Variants in NEGR1 observed in about 807,000 individuals in gnomAD.
NEGR1 encodes IgLON family member 4.
A neutral mutation model predicts 40.9 loss-of-function variants in NEGR1; 10 were observed. The ratio of observed to expected loss-of-function variants is 0.24; its 90% CI spans 0.15 to 0.42. The LOEUF is 0.42. Ranked by LOEUF, NEGR1 falls within the 10% of genes least tolerant of loss-of-function variation. The pLI is 1.00. For synonymous variants in NEGR1, 185 were observed against 166.8 expected (o/e 1.11, Z -0.84); for missense variants, 352 against 438.9 (o/e 0.80, Z 1.77).
intron 6 of NEGR1, among the ~76,000 whole-genome samples, chr1:71,512,584 A>AT (rs555856096): frequency 0.052 from 7,343 of 141,788 alleles, 232 homozygotes; most frequent in Non-Finnish European, 0.07. Flanking sequence ...ATACTAATCG[A>AT]TTTTTTTTTT....
At chr1:71,990,387 T>G (rs1646438893) in intron 1 of NEGR1, among the ~76,000 whole-genome samples, 1 of 152,150 alleles carries the variant, frequency 6.6e-6, no homozygotes, top group Non-Finnish European at 1.5e-5. Context: ...ATTCAAAGAC[T>G]TTTGTAAGTT....
intron 2 of NEGR1, among the ~76,000 whole-genome samples, chr1:71,920,546 G>T (rs1206488495): frequency 6.6e-6 from 1 of 152,094 alleles, no homozygotes; most frequent in African/African-American, 2.4e-5. Flanking sequence ...TAACTTTAGT[G>T]CACTCATTTG....
chr1:72,121,937 T>G (rs1332027029), intron 1 of NEGR1, among the ~76,000 whole-genome samples: 4 of 151,958 alleles, frequency 2.6e-5, no homozygotes, highest in African/African-American at 9.7e-5. Flanking sequence ...TGCAGATAAT[T>G]TTAAGGTTCA....
At chr1:71,928,963 A>G (rs1933153) in intron 2 of NEGR1, among the ~76,000 whole-genome samples, 33,345 of 151,998 alleles carry the variant, frequency 0.22, 4,010 homozygotes, top group Admixed American at 0.36. Context: ...GAACAGGTCG[A>G]AATCCCCTGC....
chr1:71,649,030 CAATT>C (rs796122592), intron 4 of NEGR1, among the ~76,000 whole-genome samples: 42 of 152,140 alleles, frequency 2.8e-4, no homozygotes, highest in African/African-American at 9.4e-4. Flanking sequence ...TTCTCATCTA[CAATT>C]TCTGAATTTT....
chr1:71,767,896 G>C (rs569446660), intron 3 of NEGR1, among the ~76,000 whole-genome samples: 2 of 152,316 alleles, frequency 1.3e-5, no homozygotes, highest in Non-Finnish European at 2.9e-5. Flanking sequence ...TAAAGCTCAG[G>C]CCACTGCTTC....
chr1:71,682,739 G>C (rs1464067250), intron 4 of NEGR1, among the ~76,000 whole-genome samples: 1 of 152,172 alleles, frequency 6.6e-6, no homozygotes, highest in Non-Finnish European at 1.5e-5. Context: ...GGCCCCAGTG[G>C]GAGGTATTTT....
chr1:71,749,080 C>A lies in NEGR1; in HGVS notation c.535+27092G>T, dbSNP rs191795309. On this transcript the variant is annotated intron_variant, in intron 3 of 6. Transcript: ENST00000357731. ...TTCAATATTCTTTGATGCTTTCTAT[C>A]AAAACACACTTACATCAACAAAACT... Among the ~76,000 whole-genome samples, 139 of 152,174 alleles carry A rather than the reference C, an allele frequency of 9.1e-4. 1 individual carries two copies. Among genetic ancestry groups the A allele is most frequent in the African/African-American group, 3.2e-3 (135 of 41,546 alleles).
intron 1 of NEGR1, among the ~76,000 whole-genome samples, chr1:72,038,852 C>T (rs1646927518): frequency 6.6e-6 from 1 of 151,938 alleles, no homozygotes; most frequent in South Asian, 2.1e-4. Context: ...TAAGGTATCA[C>T]CATTCAGGTA....
intron 1 of NEGR1, among the ~76,000 whole-genome samples, chr1:72,021,039 A>G (rs1314567957): frequency 6.6e-6 from 1 of 152,198 alleles, no homozygotes; most frequent in Non-Finnish European, 1.5e-5. Context: ...AACATTTACA[A>G]AAACCTAACA....
In NEGR1 at chr1:71,776,237, G is replaced by A; in HGVS notation, c.470C>T (p.Thr157Ile). 2 of 1,607,502 alleles carry A rather than the reference G, an allele frequency of 1.2e-6. No homozygotes were observed. Among genetic ancestry groups the A allele is most frequent in the Non-Finnish European group, 1.7e-6 (2 of 1,175,736 alleles). Residue 157 changes from threonine to isoleucine, a missense_variant, in exon 3 of 7, where the codon ACT (threonine) becomes ATT (isoleucine). Physicochemically the swap from Thr to Ile is moderately conservative, Grantham distance 89 (BLOSUM62 -1). Transcript: ENST00000357731. ...TTTCCCAGTGGCCAAACAAGTAAGA[G>A]TGACGTTGGTTCCTTCATTGACGGT... Reference protein sequence around the residue: ...DMTVNEGTNVTLTCLATGKPE... With the variant: ...DMTVNEGTNVILTCLATGKPE...
intron 1 of NEGR1, among the ~76,000 whole-genome samples, chr1:72,159,862 A>G (rs944995692): frequency 2.0e-5 from 3 of 152,144 alleles, no homozygotes; most frequent in Non-Finnish European, 4.4e-5. Context: ...TTAGCTTTTA[A>G]ATAAAAACAA....
chr1:71,465,153 T>C (rs1210461185), intron 6 of NEGR1, among the ~76,000 whole-genome samples: 1 of 152,082 alleles, frequency 6.6e-6, no homozygotes, highest in Non-Finnish European at 1.5e-5. Context: ...AATTATAGTA[T>C]ACAGAATGGA....
chr1:71,967,297 G>T (rs1646217988), intron 1 of NEGR1, among the ~76,000 whole-genome samples: 1 of 152,238 alleles, frequency 6.6e-6, no homozygotes, highest in Admixed American at 6.5e-5. Context: ...TCCATGCTGG[G>T]TGTTCTTCCT....
chr1:71,558,240 A>G (rs1310860921), intron 6 of NEGR1, among the ~76,000 whole-genome samples: 1 of 151,610 alleles, frequency 6.6e-6, no homozygotes, highest in Non-Finnish European at 1.5e-5. Context: ...AGGGATAGGA[A>G]TTAAGCTCCA....
At chr1:71,941,919 T>C (rs1356729136) in intron 1 of NEGR1, among the ~76,000 whole-genome samples, 1 of 152,058 alleles carries the variant, frequency 6.6e-6, no homozygotes, top group Non-Finnish European at 1.5e-5. Context: ...AACTAACAGA[T>C]GACTTGCTTA....
intron 4 of NEGR1, among the ~76,000 whole-genome samples, chr1:71,622,352 T>A (rs1207966064): frequency 6.6e-6 from 1 of 151,966 alleles, no homozygotes; most frequent in Non-Finnish European, 1.5e-5. Flanking sequence ...GCAAGTACAA[T>A]CTTGTAAATA....
intron 1 of NEGR1, among the ~76,000 whole-genome samples, chr1:72,189,655 G>T (rs1171885897): frequency 6.6e-6 from 1 of 151,538 alleles, no homozygotes; most frequent in African/African-American, 2.4e-5. Flanking sequence ...ATTGGCTAAT[G>T]AAACCATAAA....
At chr1:71,478,196 G>T (rs1646834004) in intron 6 of NEGR1, among the ~76,000 whole-genome samples, 1 of 152,022 alleles carries the variant, frequency 6.6e-6, no homozygotes, top group African/African-American at 2.4e-5. Context: ...GTACACATGT[G>T]TATCGAATAA....
Sources: gnomAD v4.1 joint callset for allele counts (sites outside exome capture counted in the v4.1 genomes callset) on GRCh38, gnomAD v4.1.1 for gene constraint, MANE v1.5 for transcripts, NCBI Gene and HGNC (gene_info 2026-07-23, HGNC 2026-07-21) for gene names.